Variants in ARID4A observed in about 807,000 individuals in gnomAD.
ARID4A encodes the protein AT-rich interaction domain 4A, also known as AT-rich interactive domain-containing protein 4A.
A neutral mutation model predicts 148.6 loss-of-function variants in ARID4A; 39 were observed. The ratio of observed to expected loss-of-function variants is 0.26; its 90% CI spans 0.20 to 0.34. ARID4A has a LOEUF of 0.34. Among genes scored for constraint, ARID4A ranks in the 10% least tolerant of loss-of-function variants. The pLI is 1.00. For missense variants in ARID4A, 1,265 were observed against 1,449.1 expected, an observed-to-expected ratio of 0.87 and a Z score of 2.06; for synonymous variants, 475 against 481.2, an observed-to-expected ratio of 0.99 and a Z score of 0.17.
chr14:58,329,025 T>C (rs1279689390), intron 9 of ARID4A, among the ~76,000 whole-genome samples: 1 of 152,036 alleles, frequency 6.6e-6, no homozygotes, highest in Non-Finnish European at 1.5e-5. Context: ...ACAGAAACTT[T>C]TTCCTAACCT....
chr14:58,370,426 AGCTGGGATTACAGGT>A (rs1212021024), intron 23 of ARID4A, among the ~76,000 whole-genome samples: 1 of 152,036 alleles, frequency 6.6e-6, no homozygotes, highest in African/African-American at 2.4e-5. Context: ...CCTCCCGGGT[AGCTGGGATTACAGGT>A]GCCCGCCACC....
At chr14:58,335,693 C>A (rs1157208824) in intron 11 of ARID4A, among the ~76,000 whole-genome samples, 1 of 152,124 alleles carries the variant, frequency 6.6e-6, no homozygotes, top group African/African-American at 2.4e-5. Context: ...TAAACCTATC[C>A]TTTCCCTGGC....
intron 18 of ARID4A, 44 bp from the exon 19 acceptor site, chr14:58,360,857 G>A (rs754007460): frequency 3.5e-5 from 55 of 1,572,466 alleles, no homozygotes; most frequent in Non-Finnish European, 4.4e-5. Context: ...TTCATTTTTC[G>A]TAAAGCATTG....
intron 7 of ARID4A, among the ~76,000 whole-genome samples, chr14:58,319,373 A>C (rs1326833121): frequency 6.6e-6 from 1 of 151,932 alleles, no homozygotes; most frequent in Non-Finnish European, 1.5e-5. Context: ...AGCCTGAGCC[A>C]CTGCGCCAGG....
intron 8 of ARID4A, among the ~76,000 whole-genome samples, chr14:58,326,019 A>G (rs952897608): frequency 1.3e-5 from 2 of 152,232 alleles, no homozygotes; most frequent in Non-Finnish European, 2.9e-5. Flanking sequence ...TATATGTTCA[A>G]TATTAGGACT....
rs573114751 is a variant in ARID4A at position 58,364,567 on chromosome 14, T to C, written c.2478T>C (p.His826=). The C allele has an allele frequency of 1.9e-6, 3 of 1,611,160 alleles. No homozygotes were observed. In the African/African-American group the frequency reaches 4.0e-5, roughly 22 times the overall value. The change falls in exon 20 of 24, where the codon CAT becomes CAC. Residue 826 remains histidine, a synonymous_variant. Coordinates refer to ENST00000355431, the MANE Select transcript of ARID4A (RefSeq NM_002892.4). The part of the protein sequence containing the change: ...EAGSEPHIEA[H]SLELSSLDNK... The stretch of plus-strand genomic sequence containing the variant: ...GAAGTGAACCTCATATAGAAGCTCA[T>C]AGTCTTGAATTGTCTTCATTAGACA...
Position 58,365,265 on chromosome 14 carries a change from G to A in ARID4A, c.3176G>A (p.Ser1059Asn). The change falls in exon 20 of 24, where the codon AGT becomes AAT. Residue 1059 changes from serine (S) to asparagine (N), a missense_variant. This residue lies in a region of ARID4A where 666 missense variants were observed against 730.9 expected (regional missense o/e 0.91). Transcript: ENST00000355431. ...FETNVASGTC[S>N]IIVQERESRE... is the part of the protein sequence containing the mutation. ...ACTAATGTTGCCTCTGGTACCTGTA[G>A]TATAATTGTACAAGAGAGAGAGAGC... 1 of 1,613,890 alleles carries A rather than the reference G, an allele frequency of 6.2e-7. No individual in the cohort carries two copies. The highest frequency in any genetic ancestry group is 8.5e-7 in the Non-Finnish European group (1 of 1,179,888).
At position 58,367,071 on chromosome 14, in the gene ARID4A, A is replaced by G. The variant is rs778307731; in HGVS notation, c.3670+42A>G. On this transcript the variant is annotated intron_variant, in intron 23 of 23. Transcript: ENST00000355431. Reference sequence around the variant, plus strand: ...TTTTCTCCCCTTATATTTCAAAACTATATCCTATCATTTTAGAAGATTTAA... The same window carrying G: ...TTTTCTCCCCTTATATTTCAAAACTGTATCCTATCATTTTAGAAGATTTAA... The G allele has an allele frequency of 4.5e-6, 6 of 1,330,578 alleles. No individual in the cohort carries two copies. In the South Asian group the frequency reaches 1.0e-4, roughly 22 times the overall value. 82.4% of individuals were successfully genotyped at this position (1,330,578 alleles called of 1,614,324 possible).
chr14:58,347,613 G>C (rs2034435001), intron 14 of ARID4A, 34 bp from the exon 15 acceptor site: 1 of 1,460,900 alleles, frequency 6.8e-7, no homozygotes, highest in Non-Finnish European at 9.3e-7. Context: ...TGCAAAGACT[G>C]TAAGATTTCT....
intron 7 of ARID4A, among the ~76,000 whole-genome samples, chr14:58,321,352 T>G (rs1447716927): frequency 6.6e-6 from 1 of 152,196 alleles, no homozygotes; most frequent in African/African-American, 2.4e-5. Context: ...ATGAAATTCT[T>G]TTCCTAACGC....
rs764885687 is a variant in ARID4A at position 58,366,092 on chromosome 14, C to G, written c.3385C>G (p.Leu1129Val). 6.2e-7 allele frequency: 1 copy of G among 1,613,880 alleles called. No individual in the cohort carries two copies. Among genetic ancestry groups the G allele is most frequent in the East Asian group, 2.2e-5 (1 of 44,840 alleles). ...NSSKCTPVKH[L>V]NVSKPQKLAR... is the part of the protein sequence containing the mutation. The stretch of plus-strand genomic sequence containing the variant: ...AAGTAAATGTACCCCAGTAAAGCAT[C>G]TTAATGTATCTAAGCCACAGAAACT... The change falls in exon 22 of 24, where the codon CTT becomes GTT. Residue 1129 changes from leucine (L) to valine (V), a missense_variant. Leu to Val is a conservative substitution (Grantham distance 32, BLOSUM62 1). Coordinates refer to ENST00000355431, the MANE Select transcript of ARID4A (RefSeq NM_002892.4).
At chr14:58,309,985 A>G (rs1330823520) in intron 5 of ARID4A, among the ~76,000 whole-genome samples, 5 of 152,324 alleles carry the variant, frequency 3.3e-5, no homozygotes, top group African/African-American at 1.2e-4. Context: ...GACAAATGTT[A>G]TAATCAAAAT....
At chr14:58,362,389 G>C (rs2035171838) in intron 19 of ARID4A, among the ~76,000 whole-genome samples, 1 of 152,060 alleles carries the variant, frequency 6.6e-6, no homozygotes, top group African/African-American at 2.4e-5. Flanking sequence ...AGGAGTTCCA[G>C]ACCAGCCAGG....
At chr14:58,363,323 C>T (rs932907118) in intron 19 of ARID4A, among the ~76,000 whole-genome samples, 3 of 152,168 alleles carry the variant, frequency 2.0e-5, no homozygotes, top group Non-Finnish European at 4.4e-5. Flanking sequence ...TACAAGTTCC[C>T]TTACAGGGAA....
In ARID4A at chr14:58,329,538, G is replaced by A. The variant is rs768460474; in HGVS notation, c.673G>A (p.Ala225Thr). 4 of 1,597,570 alleles carry A rather than the reference G, an allele frequency of 2.5e-6. No individual in the cohort carries two copies. Among genetic ancestry groups the A allele is most frequent in the African/African-American group, 2.7e-5 (2 of 74,526 alleles). Residue 225 changes from alanine (A) to threonine (T), a missense_variant, in exon 10 of 24, where the codon GCA becomes ACA. Physicochemically the swap from Ala to Thr is moderately conservative, Grantham distance 58. This residue lies in a region of ARID4A where 249 missense variants were observed against 277.2 expected (regional missense o/e 0.90). Coordinates refer to ENST00000355431, the MANE Select transcript of ARID4A (RefSeq NM_002892.4). ...SFIDSKFYSIARKDIKEVDIL... is the reference protein window; with the variant it reads ...SFIDSKFYSITRKDIKEVDIL... The stretch of plus-strand genomic sequence containing the variant: ...CTTCTTGATAATTAGTTACTCTATA[G>A]CAAGAAAGGACATTAAGGAAGTAGA...
At chr14:58,354,123 C>T (rs917586665) in intron 17 of ARID4A, among the ~76,000 whole-genome samples, 2 of 152,056 alleles carry the variant, frequency 1.3e-5, no homozygotes, top group African/African-American at 4.8e-5. Context: ...CAAGGGGAAC[C>T]ATAGGGCATC....
intron 11 of ARID4A, among the ~76,000 whole-genome samples, chr14:58,336,639 T>C (rs1243779471): frequency 6.6e-6 from 1 of 152,236 alleles, no homozygotes; most frequent in East Asian, 1.9e-4. Context: ...GTTTACCTTT[T>C]GTAGGAGATA....
intron 2 of ARID4A, among the ~76,000 whole-genome samples, chr14:58,300,937 AAGT>A (rs2031106690): frequency 6.6e-6 from 1 of 152,156 alleles, no homozygotes; most frequent in Admixed American, 6.5e-5. Context: ...CATTTGCTGA[AAGT>A]AGATGTTTCT....
In ARID4A at chr14:58,364,415, A is replaced by T. The variant is rs2035262915; in HGVS notation, c.2326A>T (p.Met776Leu). The T allele has an allele frequency of 6.2e-7, 1 of 1,612,418 alleles. No individual in the cohort carries two copies. Among genetic ancestry groups the T allele is most frequent in the Admixed American group, 1.7e-5 (1 of 59,776 alleles). The stretch of plus-strand genomic sequence containing the variant: ...AATAGTACAGATTTTTGGGAACAAA[A>T]TGGAAAAAACAGAAGAAGTTAAGAA... ...EQIVQIFGNK[M>L]EKTEEVKKEA... The change falls in exon 20 of 24, where the codon ATG becomes TTG. Residue 776 changes from methionine (M) to leucine (L), a missense_variant. Met to Leu is a conservative substitution (Grantham distance 15). Coordinates refer to ENST00000355431, the MANE Select transcript of ARID4A (RefSeq NM_002892.4).
Sources: gnomAD v4.1 joint callset for allele counts (sites outside exome capture counted in the v4.1 genomes callset) on GRCh38, gnomAD v4.1.1 for gene constraint, gnomAD v4.1.1 regional missense constraint, MANE v1.5 for transcripts, NCBI Gene and HGNC (gene_info 2026-07-23, HGNC 2026-07-21) for gene names.